The following TRPM2 variants were observed in gnomAD, a reference collection of about 807,000 sequenced individuals.
The protein encoded by TRPM2 is estrogen-responsive element-associated gene 1 protein.
Under a neutral mutation model 174.0 loss-of-function variants are expected in TRPM2, and 161 were observed. The ratio of observed to expected loss-of-function variants is 0.93; its 90% CI spans 0.81 to 1.05. The LOEUF is 1.05. TRPM2 is among the 50% of genes least tolerant of loss of function. The pLI is 0.00. For synonymous variants in TRPM2, 954 were observed against 861.3 expected (o/e 1.11, Z -1.88); for missense variants, 2,057 against 2,038.0 (o/e 1.01, Z -0.18).
chr21:44,411,527 A>G (rs2050106385), intron 19 of TRPM2, among the ~76,000 whole-genome samples: 2 of 152,290 alleles, frequency 1.3e-5, no homozygotes, highest in South Asian at 2.1e-4. Flanking sequence ...TGTCATCTGC[A>G]AAAAGAGAGT....
rs1265788269 is a variant in TRPM2, at chr21:44,440,788, G to A, written c.4270-1G>A. ...GGGCTTACCCTGCCCTGCCCATCCA[G>A]GTGTACAAAGGCTACATGGATGACC... On this transcript the variant is annotated splice_acceptor_variant, in intron 30 of 31. Coordinates refer to ENST00000397928, the MANE Select transcript of TRPM2 (RefSeq NM_003307.4). LOFTEE classifies it high-confidence loss of function. 22 of 1,613,166 alleles carry A rather than the reference G, an allele frequency of 1.4e-5. No homozygotes were observed. Among genetic ancestry groups the A allele is most frequent in the Non-Finnish European group, 1.8e-5 (21 of 1,179,524 alleles).
rs1359767406 is a variant in TRPM2, at chr21:44,406,119, T to A, written c.2790+82T>A. 1.9e-6 allele frequency: 3 copies of A among 1,552,834 alleles called. No individual in the cohort carries two copies. In the Admixed American group the frequency reaches 5.4e-5, roughly 28 times the overall value. On this transcript the variant is annotated intron_variant, in intron 18 of 31. Transcript: ENST00000397928. ...GGAGGGCAGGCCCCTTGCCAGTGGC[T>A]CGGACTGGGGCTTAAACACACCTGT...
intron 13 of TRPM2, among the ~76,000 whole-genome samples, chr21:44,398,222 A>G (rs1224023297): frequency 7.6e-6 from 1 of 132,098 alleles, no homozygotes; most frequent in African/African-American, 3.6e-5. Flanking sequence ...TTTTTTTGAG[A>G]TGGAGTGTCG....
rs375764253 is a variant in TRPM2, at chr21:44,422,355, G to T, written c.3462-1290G>T. The T allele has an allele frequency of 2.1e-5, 32 of 1,536,128 alleles. 3 individuals are homozygous for T. The highest frequency in any genetic ancestry group is 2.1e-4 in the African/African-American group (15 of 73,154). Reference sequence around the variant, plus strand: ...GCATCTCACGGTGGTGGAATCACGCGGGTCCGAGAAGGCTCCAGTAACCAC... The same window carrying T: ...GCATCTCACGGTGGTGGAATCACGCTGGTCCGAGAAGGCTCCAGTAACCAC... On this transcript the variant is annotated intron_variant, in intron 22 of 31. Coordinates refer to ENST00000397928, the MANE Select transcript of TRPM2 (RefSeq NM_003307.4).
chr21:44,407,454 T>TTG (rs1242954946), intron 19 of TRPM2, among the ~76,000 whole-genome samples: 32 of 86,006 alleles, frequency 3.7e-4, no homozygotes, highest in African/African-American at 1.1e-3. Flanking sequence ...TAGAAGGTTT[T>TTG]TTTTTTTTTT....
Position 44,413,891 on chromosome 21 carries a change from G to T in TRPM2, c.2963G>T (p.Gly988Val). ...CACCCACCCCCATTCCCAACGCCAG[G>T]TGTGAACTTCAACCCGGAGCACTGC... ...IFGQIPGYID[G>V]VNFNPEHCSP... The change falls in exon 20 of 32, where the codon GGT becomes GTT. Residue 988 changes from glycine to valine, a missense_variant and splice_region_variant. Physicochemically the swap from Gly to Val is moderately radical, Grantham distance 109. Transcript: ENST00000397928. 1 of 1,609,340 alleles carries T rather than the reference G, an allele frequency of 6.2e-7. No individual in the cohort carries two copies. The highest frequency in any genetic ancestry group is 1.1e-5 in the South Asian group (1 of 90,990).
chr21:44,381,688 C>T (rs1174103220), intron 8 of TRPM2, among the ~76,000 whole-genome samples: 1 of 152,030 alleles, frequency 6.6e-6, no homozygotes, highest in Non-Finnish European at 1.5e-5. Context: ...GGGTGGATCA[C>T]TTGAGGTCAG....
chr21:44,435,550 C>T (rs1270083169), intron 28 of TRPM2, among the ~76,000 whole-genome samples: 3 of 145,712 alleles, frequency 2.1e-5, no homozygotes, highest in East Asian at 2.1e-4. Flanking sequence ...CTCACTCCTC[C>T]ATTCCCATCC....
chr21:44,402,046 G>A (rs1284806704), intron 16 of TRPM2, 149 bp downstream of exon 16: 1 of 893,264 alleles, frequency 1.1e-6, no homozygotes, highest in African/African-American at 1.6e-5. Context: ...CCCCAAAATG[G>A]GTGGCTGGGG....
Position 44,399,234 on chromosome 21 carries a change from C to T in TRPM2, c.2063-62C>T, listed in dbSNP as rs907980467. On this transcript the variant is annotated intron_variant, in intron 13 of 31. Coordinates refer to ENST00000397928, the MANE Select transcript of TRPM2 (RefSeq NM_003307.4). This position sits in a 1 kb window ranked among gnomAD's most constrained non-coding sequence, Gnocchi z 4.6. Reference sequence around the variant, plus strand: ...TGTCCCGAGTGGTTGCCCTCTGACCCGTCCCCAGGGCTCAGTGATTGTGAC... The same window carrying T: ...TGTCCCGAGTGGTTGCCCTCTGACCTGTCCCCAGGGCTCAGTGATTGTGAC... 54 of 1,562,038 alleles carry T rather than the reference C, an allele frequency of 3.5e-5. No homozygotes were observed. Among genetic ancestry groups the T allele is most frequent in the Admixed American group, 1.9e-4 (11 of 56,574 alleles).
chr21:44,392,266 T>G (rs1390694687), intron 11 of TRPM2, among the ~76,000 whole-genome samples: 3 of 151,406 alleles, frequency 2.0e-5, no homozygotes, highest in African/African-American at 7.3e-5. Context: ...CCTTGTCTAT[T>G]TTTATGTTTG....
At chr21:44,386,506 GA>G (rs532449858) in intron 9 of TRPM2, among the ~76,000 whole-genome samples, 6 of 151,646 alleles carry the variant, frequency 4.0e-5, no homozygotes, top group African/African-American at 9.7e-5. Flanking sequence ...GCATCAAAAA[GA>G]AAAAAAATAC....
intron 27 of TRPM2, among the ~76,000 whole-genome samples, chr21:44,430,215 A>G (rs2050974234): frequency 6.6e-6 from 1 of 152,300 alleles, no homozygotes; most frequent in East Asian, 1.9e-4. Flanking sequence ...CCTATAATTT[A>G]TATTTCTTGT....
chr21:44,400,176 C>T (rs1030745921), intron 14 of TRPM2, 83 bp from the exon 15 acceptor site: 1 of 1,199,744 alleles, frequency 8.3e-7, no homozygotes, highest in Non-Finnish European at 1.2e-6. Context: ...ACTAGGCACC[C>T]CGAGTCCTCA....
rs1179101657 is a variant in TRPM2, at chr21:44,428,040, A to G, written c.3974+929A>G. On this transcript the variant is annotated intron_variant, in intron 27 of 31. Transcript: ENST00000397928. ...TCTCACGGGTGGCTGCCACACAGGCAGGTGTGTCAGGACTTGGCAGGACGT... is the reference window on the plus strand; with the variant it reads ...TCTCACGGGTGGCTGCCACACAGGCGGGTGTGTCAGGACTTGGCAGGACGT... Among the ~76,000 whole-genome samples the G allele has an allele frequency of 1.3e-5, 2 of 152,150 alleles. 1 individual carries two copies. The highest frequency in any genetic ancestry group is 4.8e-5 in the African/African-American group (2 of 41,408).
intron 19 of TRPM2, among the ~76,000 whole-genome samples, chr21:44,413,143 A>G (rs2838558): frequency 0.71 from 107,487 of 151,492 alleles, 38,629 homozygotes; most frequent in Non-Finnish European, 0.77. Context: ...TTGTCGATAC[A>G]TTGCCTCTGC....
At position 44,399,235 on chromosome 21, in the gene TRPM2, G is replaced by A. The variant is rs534719135; in HGVS notation, c.2063-61G>A. 3.2e-4 allele frequency: 497 copies of A among 1,562,450 alleles called. 1 individual carries two copies. The African/African-American group carries it at 4.2e-3, about 13-fold the overall frequency. ...GTCCCGAGTGGTTGCCCTCTGACCC[G>A]TCCCCAGGGCTCAGTGATTGTGACC... On this transcript the variant is annotated intron_variant, in intron 13 of 31. Coordinates refer to ENST00000397928, the MANE Select transcript of TRPM2 (RefSeq NM_003307.4). This position sits in a 1 kb window ranked among gnomAD's most constrained non-coding sequence, Gnocchi z 4.6.
chr21:44,389,107 C>A (rs1404519486), intron 9 of TRPM2, among the ~76,000 whole-genome samples: 1 of 151,954 alleles, frequency 6.6e-6, no homozygotes, highest in African/African-American at 2.4e-5. Flanking sequence ...CTCTGGAAAT[C>A]ATCTGTCTGC....
intron 27 of TRPM2, among the ~76,000 whole-genome samples, chr21:44,427,313 T>C (rs1050510042): frequency 1.3e-5 from 2 of 152,188 alleles, no homozygotes; most frequent in Non-Finnish European, 2.9e-5. Flanking sequence ...ACTTGCCCCC[T>C]GGCCTCGGGC....
Sources: allele counts gnomAD v4.1 joint callset (sites outside exome capture counted in the v4.1 genomes callset), GRCh38; gene constraint gnomAD v4.1.1; non-coding constraint Gnocchi (gnomAD v3.1); transcripts MANE v1.5; gene names NCBI Gene and HGNC (gene_info 2026-07-23, HGNC 2026-07-21).